EPHA6: variants seen among roughly 807,000 people sequenced by gnomAD.
The protein encoded by EPHA6 is EPH receptor A6, also known as ephrin type-A receptor 6.
A neutral mutation model predicts 112.0 loss-of-function variants in EPHA6; 50 were observed. That is an observed-to-expected ratio of 0.45 (90% confidence interval 0.36 to 0.56). EPHA6 has a LOEUF of 0.56. EPHA6 is among the 20% of genes least tolerant of loss of function. The pLI is 0.00. For missense variants in EPHA6, 1,280 were observed against 1,417.4 expected (o/e 0.90, Z 1.56); for synonymous variants, 529 against 490.7 (o/e 1.08, Z -1.03).
chr3:97,241,143 A>G (rs1384800120), intron 4 of EPHA6, among the ~76,000 whole-genome samples: 1 of 151,400 alleles, frequency 6.6e-6, no homozygotes, highest in Non-Finnish European at 1.5e-5. Context: ...ATAAAGTAGA[A>G]ATTCAAATTG....
intron 2 of EPHA6, among the ~76,000 whole-genome samples, chr3:96,887,381 A>C (rs2037691286): frequency 6.6e-6 from 1 of 152,108 alleles, no homozygotes; most frequent in Non-Finnish European, 1.5e-5. Context: ...CCACTCAGTG[A>C]GTCTACCCGG....
intron 14 of EPHA6, among the ~76,000 whole-genome samples, chr3:97,663,613 C>A (rs1195893827): frequency 6.6e-6 from 1 of 151,546 alleles, no homozygotes. Context: ...CAGTAGTTTG[C>A]TGAGAATGAT....
intron 2 of EPHA6, among the ~76,000 whole-genome samples, chr3:96,975,664 C>A (rs2042492910): frequency 6.6e-6 from 1 of 152,130 alleles, no homozygotes; most frequent in East Asian, 1.9e-4. Flanking sequence ...GAGTACAAAT[C>A]ATTCTTGCTT....
chr3:97,347,613 T>C (rs1384681133), intron 5 of EPHA6, among the ~76,000 whole-genome samples: 1 of 151,976 alleles, frequency 6.6e-6, no homozygotes, highest in East Asian at 1.9e-4. Context: ...GAAAAAAATT[T>C]GGAGGGGGAA....
chr3:97,456,393 T>C (rs949095738), intron 7 of EPHA6, among the ~76,000 whole-genome samples: 2 of 152,092 alleles, frequency 1.3e-5, no homozygotes, highest in African/African-American at 2.4e-5. Context: ...TGAAGACTTG[T>C]AGTCTTTGAC....
chr3:96,953,829 C>T (rs1424966354), intron 2 of EPHA6, among the ~76,000 whole-genome samples: 1 of 152,070 alleles, frequency 6.6e-6, no homozygotes, highest in East Asian at 1.9e-4. Context: ...TGTACTGCTG[C>T]TCTTCAAATC....
At chr3:97,401,957 T>C (rs890281532) in intron 5 of EPHA6, among the ~76,000 whole-genome samples, 2 of 151,954 alleles carry the variant, frequency 1.3e-5, no homozygotes, top group African/African-American at 4.8e-5. Flanking sequence ...TCCACGTGTT[T>C]GTGTGGTTTT....
intron 2 of EPHA6, among the ~76,000 whole-genome samples, chr3:96,908,133 C>T (rs1480808923): frequency 6.6e-6 from 1 of 151,888 alleles, no homozygotes; most frequent in Non-Finnish European, 1.5e-5. Context: ...AGAAAGGGTA[C>T]ACTAAGCCAT....
intron 3 of EPHA6, among the ~76,000 whole-genome samples, chr3:97,224,922 G>A (rs1352403651): frequency 6.6e-6 from 1 of 151,488 alleles, no homozygotes; most frequent in Non-Finnish European, 1.5e-5. Flanking sequence ...ATTTTTGACT[G>A]ATTTTTTTTT....
At chr3:97,583,187 T>G (rs1046242945) in intron 11 of EPHA6, among the ~76,000 whole-genome samples, 1 of 151,930 alleles carries the variant, frequency 6.6e-6, no homozygotes, top group Non-Finnish European at 1.5e-5. Context: ...TGATAAATGC[T>G]GCTTAACAAC....
At chr3:97,561,831 T>C (rs2093196608) in intron 11 of EPHA6, among the ~76,000 whole-genome samples, 1 of 152,152 alleles carries the variant, frequency 6.6e-6, no homozygotes, top group Non-Finnish European at 1.5e-5. Context: ...CTGTAGGGGC[T>C]AATGCAGCTG....
At chr3:96,833,696 G>A (rs957005763) in intron 1 of EPHA6, among the ~76,000 whole-genome samples, 3 of 152,000 alleles carry the variant, frequency 2.0e-5, no homozygotes, top group Non-Finnish European at 2.9e-5. Flanking sequence ...AGCTTGAAGT[G>A]CCTCATTGTA....
At chr3:97,050,253 A>G (rs990221481) in intron 3 of EPHA6, among the ~76,000 whole-genome samples, 2 of 152,156 alleles carry the variant, frequency 1.3e-5, no homozygotes, top group Admixed American at 6.6e-5. Flanking sequence ...GAAAAGAGAG[A>G]CACTCTGGAT....
intron 10 of EPHA6, among the ~76,000 whole-genome samples, chr3:97,512,094 C>G (rs909448122): frequency 2.6e-5 from 4 of 151,950 alleles, no homozygotes; most frequent in Non-Finnish European, 4.4e-5. Flanking sequence ...GAGATTTTAC[C>G]TAAAATAATA....
chr3:97,027,923 C>G (rs2044698032), intron 3 of EPHA6, among the ~76,000 whole-genome samples: 2 of 152,182 alleles, frequency 1.3e-5, no homozygotes, highest in South Asian at 4.1e-4. Flanking sequence ...TTCAGACTTA[C>G]TCCAAATTCC....
At chr3:96,907,089 C>T (rs775529061) in intron 2 of EPHA6, among the ~76,000 whole-genome samples, 3 of 151,248 alleles carry the variant, frequency 2.0e-5, no homozygotes, top group Admixed American at 6.6e-5. Flanking sequence ...TATTATGGAA[C>T]GTTATAATGA....
chr3:97,167,045 T>C (rs1308992436), intron 3 of EPHA6, among the ~76,000 whole-genome samples: 1 of 152,160 alleles, frequency 6.6e-6, no homozygotes, highest in Admixed American at 6.6e-5. Context: ...TAATGTGATC[T>C]ACCAGAGGCA....
At chr3:97,093,696 A>G (rs1324422186) in intron 3 of EPHA6, among the ~76,000 whole-genome samples, 6 of 152,182 alleles carry the variant, frequency 3.9e-5, no homozygotes, top group African/African-American at 1.2e-4. Flanking sequence ...AATTATTATC[A>G]TCGTGTGATC....
chr3:97,519,328 A>G lies in EPHA6; in HGVS notation c.2201-13030A>G, dbSNP rs551617745. On this transcript the variant is annotated intron_variant, in intron 10 of 17. Transcript: ENST00000389672. Reference sequence around the variant, plus strand: ...TGTAGATATGTGTATATATTTCTGCATTCTCTATTCTGTTCCATTGGTCTG... The same window carrying G: ...TGTAGATATGTGTATATATTTCTGCGTTCTCTATTCTGTTCCATTGGTCTG... Among the ~76,000 whole-genome samples, 7 of 152,260 alleles carry G rather than the reference A, an allele frequency of 4.6e-5. No individual in the cohort carries two copies. The South Asian group carries it at 1.4e-3, about 32-fold the overall frequency.
Sources: gnomAD v4.1 joint callset for allele counts (sites outside exome capture counted in the v4.1 genomes callset) on GRCh38, gnomAD v4.1.1 for gene constraint, MANE v1.5 for transcripts, NCBI Gene and HGNC (gene_info 2026-07-23, HGNC 2026-07-21) for gene names.